The following G3BP1 variants were observed in gnomAD, a reference collection of about 807,000 sequenced individuals.
G3BP1 encodes G3BP stress granule assembly factor 1, also known as ras GTPase-activating protein-binding protein 1.
G3BP1 carries 35 observed loss-of-function variants against 58.6 expected under a neutral mutation model. The ratio of observed to expected loss-of-function variants is 0.60; its 90% CI spans 0.46 to 0.79. The LOEUF (loss-of-function observed/expected upper bound fraction) is 0.79, where lower values mean the gene tolerates loss of function less well. Ranked by LOEUF, G3BP1 falls within the 30% of genes least tolerant of loss-of-function variation. The pLI is 0.00. For synonymous variants in G3BP1, 191 were observed against 195.4 expected, an observed-to-expected ratio of 0.98 and a Z score of 0.19; for missense variants, 523 against 580.8, an observed-to-expected ratio of 0.90 and a Z score of 1.02.
chr5:151,803,538 A>AC (rs1762891954), intron 11 of G3BP1, among the ~76,000 whole-genome samples: 1 of 151,498 alleles, frequency 6.6e-6, no homozygotes, highest in Admixed American at 6.6e-5. Flanking sequence ...TTTTTCCCAG[A>AC]CTGGAGTACA....
chr5:151,794,524 C>A (rs1001200054), intron 5 of G3BP1, among the ~76,000 whole-genome samples: 3 of 152,076 alleles, frequency 2.0e-5, no homozygotes, highest in Non-Finnish European at 4.4e-5. Context: ...CCACATTTAC[C>A]AATAGGATGT....
At position 151,808,186 on chromosome 5, in the gene G3BP1, A is replaced by G. The variant is rs1405295562; in HGVS notation, c.*4095A>G. The G allele has an allele frequency of 6.6e-6, 1 of 152,200 alleles. No individual in the cohort carries two copies. The highest frequency in any genetic ancestry group is 2.4e-5 in the African/African-American group (1 of 41,454). 9.4% of individuals were successfully genotyped at this position (152,200 alleles called of 1,614,324 possible). A position where few individuals can be genotyped will look rare whatever the true frequency, so the allele number is the denominator to read the frequency against. ...GCCTTTTGGGATTTATATTTGTTTAATGTTGAGATTCTGGGGACCATAGGT... is the reference window on the plus strand; with the variant it reads ...GCCTTTTGGGATTTATATTTGTTTAGTGTTGAGATTCTGGGGACCATAGGT... On this transcript the variant is annotated 3_prime_UTR_variant, in exon 12 of 12. Transcript: ENST00000356245.
chr5:151,805,994 A>T lies in G3BP1; in HGVS notation c.*1903A>T, dbSNP rs945761350. ...TTGGAGACTTAAGGGCATTAACTAG[A>T]TGCAGCAATCCTCAGCTTGGTGTTA... On this transcript the variant is annotated 3_prime_UTR_variant, in exon 12 of 12. Coordinates refer to ENST00000356245, the MANE Select transcript of G3BP1 (RefSeq NM_005754.3). 8 of 152,194 alleles carry T rather than the reference A, an allele frequency of 5.3e-5. No homozygotes were observed. The highest frequency in any genetic ancestry group is 4.6e-4 in the Admixed American group (7 of 15,272). The allele number at this position is 152,194 out of a possible 1,614,324, so 9.4% of individuals were successfully genotyped here. A position where few individuals can be genotyped will look rare whatever the true frequency, so the allele number is the denominator to read the frequency against.
chr5:151,787,124 C>G, intron 2 of G3BP1: 1 of 152,888 alleles, frequency 6.5e-6, no homozygotes, highest in Non-Finnish European at 1.5e-5. Context: ...CTCCCAAAGT[C>G]CTGGGATTAC....
intron 7 of G3BP1, among the ~76,000 whole-genome samples, chr5:151,797,773 A>G (rs982479842): frequency 5.3e-5 from 8 of 152,238 alleles, no homozygotes; most frequent in African/African-American, 7.2e-5. Context: ...CTACAAGTGC[A>G]TAACATCTTT....
At chr5:151,787,472 A>G (rs927971667) in intron 2 of G3BP1, 2 of 152,232 alleles carry the variant, frequency 1.3e-5, no homozygotes, top group Admixed American at 6.5e-5. Context: ...TTCTATATAT[A>G]TAGAAACATG....
At chr5:151,800,907 TTA>T (rs1491450487) in intron 11 of G3BP1, 38 bp downstream of exon 11, 15 of 986,118 alleles carry the variant, frequency 1.5e-5, no homozygotes, top group Admixed American at 2.0e-5. Flanking sequence ...TTTTTTTTTT[TTA>T]AAAAGGGTTT....
Position 151,804,084 on chromosome 5 carries a change from G to T in G3BP1, c.1394G>T (p.Arg465Leu), listed in dbSNP as rs757200884. The stretch of plus-strand genomic sequence containing the variant: ...GGAGTGGGAAGGGGGCTTGCGCCAC[G>T]GCAGTGAATCTTCATGGATCTTCAT... ...GFGVGRGLAP[R>L]Q Residue 465 changes from arginine to leucine, a missense_variant, in exon 12 of 12, where the codon CGG becomes CTG. Around this residue, in one of 2 missense-constraint regions of G3BP1, gnomAD observed 125 missense variants for 181.7 expected, o/e 0.69. Coordinates refer to ENST00000356245, the MANE Select transcript of G3BP1 (RefSeq NM_005754.3). 1 of 1,596,410 alleles carries T rather than the reference G, an allele frequency of 6.3e-7. No individual in the cohort carries two copies. The highest frequency in any genetic ancestry group is 2.2e-5 in the East Asian group (1 of 44,620).
intron 11 of G3BP1, among the ~76,000 whole-genome samples, chr5:151,803,085 T>G (rs776894570): frequency 1.1e-4 from 16 of 152,226 alleles, no homozygotes; most frequent in Non-Finnish European, 1.5e-4. Context: ...CTTAACTACT[T>G]TGGCTCTGTT....
At chr5:151,785,111 C>T (rs902703199) in intron 1 of G3BP1, among the ~76,000 whole-genome samples, 1 of 152,162 alleles carries the variant, frequency 6.6e-6, no homozygotes, top group Non-Finnish European at 1.5e-5. Context: ...CCTCAGCCTC[C>T]CAAGGTGCTG....
chr5:151,774,423 T>C (rs1335710357), intron 1 of G3BP1, among the ~76,000 whole-genome samples: 1 of 152,028 alleles, frequency 6.6e-6, no homozygotes, highest in Non-Finnish European at 1.5e-5. Context: ...TGTAAAAGTT[T>C]GTGAATTTTA....
intron 1 of G3BP1, among the ~76,000 whole-genome samples, chr5:151,779,612 T>C (rs532027434): frequency 1.1e-4 from 17 of 152,354 alleles, no homozygotes; most frequent in Admixed American, 8.5e-4. Context: ...ACACAGTACA[T>C]ATTTGGCAAC....
intron 1 of G3BP1, among the ~76,000 whole-genome samples, chr5:151,774,938 A>T (rs77053353): frequency 7.2e-6 from 1 of 139,350 alleles, no homozygotes; most frequent in African/African-American, 2.7e-5. Flanking sequence ...TACTTTTTTT[A>T]AAAAAGTATT....
At chr5:151,803,391 G>A (rs1051967079) in intron 11 of G3BP1, among the ~76,000 whole-genome samples, 2 of 152,032 alleles carry the variant, frequency 1.3e-5, no homozygotes, top group East Asian at 3.9e-4. Flanking sequence ...CCGCCACCCG[G>A]GTTCAAGTTG....
chr5:151,795,093 T>C (rs1280969942), intron 5 of G3BP1, among the ~76,000 whole-genome samples: 2 of 152,272 alleles, frequency 1.3e-5, no homozygotes, highest in East Asian at 3.9e-4. Context: ...CTGGCTAACA[T>C]GGTGAAACCC....
intron 4 of G3BP1, 135 bp from the exon 5 acceptor site, chr5:151,794,024 A>G: frequency 1.7e-6 from 1 of 601,588 alleles, no homozygotes; most frequent in South Asian, 2.0e-5. Flanking sequence ...ACCCCACAAC[A>G]ACAAAAACTG....
Position 151,795,495 on chromosome 5 carries a change from A to T in G3BP1, c.459A>T (p.Val153=). 6.3e-7 allele frequency: 1 copy of T among 1,582,322 alleles called. No individual in the cohort carries two copies. Among genetic ancestry groups the T allele is most frequent in the Non-Finnish European group, 8.7e-7 (1 of 1,152,108 alleles). ...TEPQEESEEE[V]EEPEERQQTP... Reference sequence around the variant, plus strand: ...CTCACTTAGAGTCTGAAGAAGAAGTAGAGGAACCTGAAGAAAGACAGCAAA... The same window carrying T: ...CTCACTTAGAGTCTGAAGAAGAAGTTGAGGAACCTGAAGAAAGACAGCAAA... The change falls in exon 6 of 12, where the codon GTA becomes GTT. Residue 153 remains valine, a synonymous_variant. Transcript: ENST00000356245.
At position 151,797,457 on chromosome 5, in the gene G3BP1, A is replaced by G. The variant is rs776345653; in HGVS notation, c.741+29A>G. On this transcript the variant is annotated intron_variant, in intron 7 of 11. Coordinates refer to ENST00000356245, the MANE Select transcript of G3BP1 (RefSeq NM_005754.3). ...TGAAACGTGTCTTCATTTTTATTCT[A>G]TTCCTAGTTATTTTTTTTAAAAAAA... The G allele has an allele frequency of 3.2e-6, 5 of 1,562,210 alleles. 1 individual carries two copies. Among genetic ancestry groups the G allele is most frequent in the African/African-American group, 2.8e-5 (2 of 72,588 alleles).
At position 151,811,257 on chromosome 5, in the gene G3BP1, C is replaced by G. The variant is rs1763014907; in HGVS notation, c.*7166C>G. 1 of 152,242 alleles carries G rather than the reference C, an allele frequency of 6.6e-6. No individual in the cohort carries two copies. Among genetic ancestry groups the G allele is most frequent in the Admixed American group, 6.5e-5 (1 of 15,282 alleles). The allele number at this position is 152,242 out of a possible 1,614,324, so 9.4% of individuals were successfully genotyped here. On this transcript the variant is annotated 3_prime_UTR_variant, in exon 12 of 12. Transcript: ENST00000356245. ...TGTATTCCATGTATGTGTTCTCTCT[C>G]CCCTATTAGACTGTAAGCTCCTTAT...
Sources: allele counts gnomAD v4.1 joint callset (sites outside exome capture counted in the v4.1 genomes callset), GRCh38; gene constraint gnomAD v4.1.1; regional missense constraint gnomAD v4.1.1; transcripts MANE v1.5; gene names NCBI Gene and HGNC (gene_info 2026-07-23, HGNC 2026-07-21).